KLF8: variants seen among roughly 807,000 people sequenced by gnomAD.
KLF8 encodes KLF transcription factor 8.
KLF8 carries 10 observed loss-of-function variants against 18.2 expected under a neutral mutation model. That is an observed-to-expected ratio of 0.55 (90% CI 0.34 to 0.93). The LOEUF (loss-of-function observed/expected upper bound fraction) is 0.93. Ranked by LOEUF, KLF8 falls within the 40% of genes least tolerant of loss-of-function variation. KLF8 has a pLI of 0.02. For synonymous variants in KLF8, 109 were observed against 97.3 expected (o/e 1.12, Z -0.71); for missense variants, 264 against 277.9 (o/e 0.95, Z 0.36).
the KLF8 span, among the ~76,000 whole-genome samples, chrX:55,985,376 T>G: frequency 4.5e-5 from 5 of 112,122 alleles, no homozygotes; most frequent in Non-Finnish European, 7.5e-5. Context: ...ATTTATTAAA[T>G]AGGGTGTCTT....
At chrX:56,107,632 G>T in the KLF8 span, among the ~76,000 whole-genome samples, 1 of 111,538 alleles carries the variant, frequency 9.0e-6, no homozygotes, top group Non-Finnish European at 1.9e-5. Context: ...CTGTCACGGA[G>T]TCCCTTGCCT....
chrX:56,167,151 G>C, the KLF8 span, among the ~76,000 whole-genome samples: 3 of 111,252 alleles, frequency 2.7e-5, no homozygotes, highest in Non-Finnish European at 5.7e-5. Context: ...TGGGCGGGGG[G>C]ATAGAGTCTT....
the KLF8 span, among the ~76,000 whole-genome samples, chrX:55,944,457 G>C: frequency 9.1e-6 from 1 of 109,856 alleles, no homozygotes; most frequent in Non-Finnish European, 1.9e-5. Context: ...AATCCATCTG[G>C]TCCTGGACTC....
chrX:56,073,278 C>T, the KLF8 span, among the ~76,000 whole-genome samples: 18 of 112,209 alleles, frequency 1.6e-4, no homozygotes, highest in Non-Finnish European at 1.5e-4. Context: ...TGAGCCACTG[C>T]GCCCGGCCAG....
In KLF8 at chrX:56,268,974, A is replaced by G. The variant is rs928334742; in HGVS notation, c.647-404A>G. The G allele has an allele frequency of 1.9e-5, 18 of 927,969 alleles. No individual in the cohort carries two copies. The Admixed American group carries it at 6.8e-4, about 35-fold the overall frequency. 76.5% of individuals were successfully genotyped at this position (927,969 alleles called of 1,213,427 possible). ...ACTAATCCTAGAATTTGATTTTAGGACAGCCAGGAGCTATTCAGTGAGTTC... is the reference window on the plus strand; with the variant it reads ...ACTAATCCTAGAATTTGATTTTAGGGCAGCCAGGAGCTATTCAGTGAGTTC... On this transcript the variant is annotated intron_variant, in intron 3 of 5. Coordinates refer to ENST00000468660, the MANE Select transcript of KLF8 (RefSeq NM_007250.5).
chrX:56,275,528 T>C (rs1446379373), intron 5 of KLF8, among the ~76,000 whole-genome samples: 1 of 111,752 alleles, frequency 8.9e-6, no homozygotes, highest in African/African-American at 3.3e-5. Context: ...TAGGACTTCC[T>C]GTACCATGTT....
the KLF8 span, among the ~76,000 whole-genome samples, chrX:56,042,338 A>G: frequency 4.5e-5 from 5 of 111,823 alleles, no homozygotes; most frequent in Non-Finnish European, 9.4e-5. Flanking sequence ...AATGAGAAGA[A>G]TGTATATTCT....
At chrX:55,974,421 C>T in the KLF8 span, among the ~76,000 whole-genome samples, 3 of 111,502 alleles carry the variant, frequency 2.7e-5, no homozygotes, top group Admixed American at 9.6e-5. Flanking sequence ...TCAAGCATTG[C>T]ATACTGGAGT....
chrX:56,156,999 G>C, the KLF8 span, among the ~76,000 whole-genome samples: 1 of 109,059 alleles, frequency 9.2e-6, no homozygotes, highest in East Asian at 2.9e-4. Flanking sequence ...GTCCAACAAT[G>C]ATAGACTGGA....
At chrX:56,060,245 G>T in the KLF8 span, among the ~76,000 whole-genome samples, 3 of 111,880 alleles carry the variant, frequency 2.7e-5, no homozygotes, top group Admixed American at 2.8e-4. Context: ...GTAAGAGAGG[G>T]CATCCTTGTC....
the KLF8 span, among the ~76,000 whole-genome samples, chrX:55,937,750 C>T: frequency 8.9e-6 from 1 of 112,080 alleles, no homozygotes; most frequent in Non-Finnish European, 1.9e-5. Context: ...TAGCTGATTT[C>T]ATCAACTGGA....
the KLF8 span, among the ~76,000 whole-genome samples, chrX:56,130,215 T>A: frequency 9.0e-6 from 1 of 111,272 alleles, no homozygotes; most frequent in Admixed American, 9.5e-5. Flanking sequence ...ACAAACCTTG[T>A]GCATCAAGCA....
chrX:56,146,993 T>C, the KLF8 span, among the ~76,000 whole-genome samples: 1 of 111,921 alleles, frequency 8.9e-6, no homozygotes, highest in African/African-American at 3.2e-5. Context: ...CCTGGGTGAG[T>C]GTATGACTAT....
the KLF8 span, among the ~76,000 whole-genome samples, chrX:55,993,340 A>G: frequency 9.7e-4 from 109 of 112,066 alleles, no homozygotes; most frequent in African/African-American, 3.4e-3. Context: ...AGCATTTTCT[A>G]TGTCTGTTGA....
the KLF8 span, among the ~76,000 whole-genome samples, chrX:56,211,900 C>T: frequency 0.011 from 1,234 of 110,585 alleles, 8 homozygotes; most frequent in Non-Finnish European, 0.018. Context: ...CCTGAGGCCA[C>T]CACAGCTGGT....
the KLF8 span, among the ~76,000 whole-genome samples, chrX:56,169,717 C>T: frequency 1.6e-3 from 173 of 111,112 alleles, 4 homozygotes; most frequent in East Asian, 0.031. Context: ...ACTCCAGTCC[C>T]TGGCTCCTGC....
the KLF8 span, among the ~76,000 whole-genome samples, chrX:56,136,179 G>A: frequency 9.0e-6 from 1 of 111,565 alleles, no homozygotes; most frequent in Non-Finnish European, 1.9e-5. Flanking sequence ...TACTGCCCAA[G>A]GTAATTTACA....
the KLF8 span, among the ~76,000 whole-genome samples, chrX:56,064,566 C>T: frequency 9.9e-5 from 11 of 111,187 alleles, no homozygotes; most frequent in Admixed American, 9.6e-4. Flanking sequence ...TAGTTGATTC[C>T]TCGTTGTTTT....
chrX:56,090,141 C>G, the KLF8 span, among the ~76,000 whole-genome samples: 2 of 111,934 alleles, frequency 1.8e-5, no homozygotes, highest in African/African-American at 6.5e-5. Context: ...AGATTAACAG[C>G]TACACATAAA....
Sources: allele counts gnomAD v4.1 joint callset (sites outside exome capture counted in the v4.1 genomes callset), GRCh38; gene constraint gnomAD v4.1.1; transcripts MANE v1.5; gene names NCBI Gene and HGNC (gene_info 2026-07-23, HGNC 2026-07-21).